The following GRID1 variants were observed in gnomAD, a reference collection of about 807,000 sequenced individuals.
GRID1 encodes the protein glutamate receptor ionotropic, delta-1.
Under a neutral mutation model 98.0 loss-of-function variants are expected in GRID1, and 28 were observed. The ratio of observed to expected loss-of-function variants is 0.29; its 90% CI spans 0.21 to 0.39. The LOEUF is 0.39. Ranked by LOEUF, GRID1 falls within the 10% of genes least tolerant of loss-of-function variation. GRID1 has a pLI of 1.00. For missense variants in GRID1, 1,111 were observed against 1,340.5 expected (o/e 0.83, Z 2.67); for synonymous variants, 553 against 538.5 (o/e 1.03, Z -0.37).
intron 8 of GRID1, among the ~76,000 whole-genome samples, chr10:85,759,717 C>T (rs924905452): frequency 2.0e-5 from 3 of 152,178 alleles, no homozygotes; most frequent in Admixed American, 2.0e-4. Flanking sequence ...TAATTATGTA[C>T]ATTTAATGGT....
intron 3 of GRID1, among the ~76,000 whole-genome samples, chr10:86,171,849 G>A (rs915024816): frequency 2.0e-5 from 3 of 152,090 alleles, no homozygotes; most frequent in Admixed American, 6.5e-5. Context: ...AGCAAACGCC[G>A]GAGGAACACG....
chr10:86,095,038 C>T (rs1370862022), intron 4 of GRID1, among the ~76,000 whole-genome samples: 1 of 152,002 alleles, frequency 6.6e-6, no homozygotes, highest in East Asian at 1.9e-4. Flanking sequence ...CAGAAATAAA[C>T]CCAAATACTC....
chr10:86,312,098 G>A (rs1847839690), intron 2 of GRID1, among the ~76,000 whole-genome samples: 1 of 152,208 alleles, frequency 6.6e-6, no homozygotes, highest in South Asian at 2.1e-4. Flanking sequence ...TGCTGACAGG[G>A]CACTTCTGTA....
chr10:85,717,316 G>A (rs947981459), intron 12 of GRID1, among the ~76,000 whole-genome samples: 4 of 150,958 alleles, frequency 2.6e-5, no homozygotes, highest in Non-Finnish European at 2.9e-5. Context: ...CCTGAAACTG[G>A]GAACAAAAAA....
chr10:85,981,450 T>TGG (rs2131861428), intron 4 of GRID1, among the ~76,000 whole-genome samples: 1 of 152,314 alleles, frequency 6.6e-6, no homozygotes, highest in Admixed American at 6.5e-5. Flanking sequence ...AGGGCTACAA[T>TGG]GCCTACTTGG....
chr10:86,272,972 T>A (rs1042583185), intron 2 of GRID1, among the ~76,000 whole-genome samples: 2 of 152,212 alleles, frequency 1.3e-5, no homozygotes, highest in African/African-American at 4.8e-5. Context: ...GCAGGTTAGC[T>A]ACATATGTAT....
intron 2 of GRID1, among the ~76,000 whole-genome samples, chr10:86,346,728 T>A (rs1589457154): frequency 6.6e-6 from 1 of 152,140 alleles, no homozygotes; most frequent in South Asian, 2.1e-4. Context: ...GGCAGAAGGA[T>A]AAACAGAGGC....
At chr10:85,903,151 G>A (rs779917047) in intron 5 of GRID1, among the ~76,000 whole-genome samples, 5 of 152,076 alleles carry the variant, frequency 3.3e-5, no homozygotes, top group Non-Finnish European at 7.3e-5. Context: ...AGAGCCACAT[G>A]TCTAGTGTCT....
chr10:86,223,289 G>A (rs1564710968), intron 2 of GRID1, among the ~76,000 whole-genome samples: 1 of 152,148 alleles, frequency 6.6e-6, no homozygotes, highest in Non-Finnish European at 1.5e-5. Flanking sequence ...TCCACCCCCT[G>A]CCCAGACACC....
intron 4 of GRID1, among the ~76,000 whole-genome samples, chr10:86,003,777 C>T (rs1318574983): frequency 6.6e-6 from 1 of 152,220 alleles, no homozygotes; most frequent in Non-Finnish European, 1.5e-5. Context: ...ACCCATCTTA[C>T]AGGCAGAGAT....
chr10:85,699,196 G>T (rs1841425966), intron 12 of GRID1, among the ~76,000 whole-genome samples: 1 of 152,048 alleles, frequency 6.6e-6, no homozygotes, highest in African/African-American at 2.4e-5. Flanking sequence ...GGAATCACAA[G>T]CATGCACCAC....
At chr10:85,642,731 G>A (rs953917988) in intron 13 of GRID1, among the ~76,000 whole-genome samples, 2 of 152,126 alleles carry the variant, frequency 1.3e-5, no homozygotes, top group African/African-American at 4.8e-5. Context: ...CCTTATCTTA[G>A]TGGCCACTGG....
intron 3 of GRID1, among the ~76,000 whole-genome samples, chr10:86,176,906 C>T (rs916004062): frequency 1.3e-5 from 2 of 151,998 alleles, no homozygotes; most frequent in African/African-American, 4.8e-5. Flanking sequence ...TTCTCAGTGG[C>T]CGTGGCAAAA....
At chr10:86,357,713 T>G (rs2132121191) in intron 2 of GRID1, among the ~76,000 whole-genome samples, 1 of 152,250 alleles carries the variant, frequency 6.6e-6, no homozygotes, top group Admixed American at 6.5e-5. Flanking sequence ...CTGACACCTG[T>G]GAGTTCAGCA....
chr10:85,746,643 T>C (rs1466093694), intron 8 of GRID1, among the ~76,000 whole-genome samples: 1 of 152,088 alleles, frequency 6.6e-6, no homozygotes, highest in African/African-American at 2.4e-5. Context: ...TACATGTAGA[T>C]GTCCTGGAAG....
Position 86,300,280 on chromosome 10 carries a change from G to T in GRID1, c.235+63661C>A, listed in dbSNP as rs73338225. 5.5e-3 allele frequency among the ~76,000 whole-genome samples: 829 copies of T among 151,928 alleles called. 7 individuals are homozygous for T. Among genetic ancestry groups the T allele is most frequent in the African/African-American group, 0.019 (792 of 41,424 alleles). ...CATTTCTGTTGTTGTAAGCCATCCA[G>T]TTTGTGGAAATTTGATATGGTAGCC... On this transcript the variant is annotated intron_variant, in intron 2 of 15. Coordinates refer to ENST00000327946, the MANE Select transcript of GRID1 (RefSeq NM_017551.3).
chr10:85,981,647 T>C (rs12772304), intron 4 of GRID1, among the ~76,000 whole-genome samples: 10,594 of 152,232 alleles, frequency 0.07, 424 homozygotes, highest in Non-Finnish European at 0.094. Flanking sequence ...TCCTTCACCA[T>C]TGCTCTCCGT....
rs551362739 is a variant in GRID1 at position 85,969,465 on chromosome 10, T to C, written c.727-53226A>G. Among the ~76,000 whole-genome samples the C allele has an allele frequency of 1.6e-3, 240 of 152,146 alleles. 1 individual carries two copies. The highest frequency in any genetic ancestry group is 5.1e-3 in the African/African-American group (213 of 41,528). ...GCCCTAAAACATGCCTCGATAAAAG[T>C]AAAAGGATTAAAATCACACAAAGTA... On this transcript the variant is annotated intron_variant, in intron 4 of 15. Transcript: ENST00000327946.
chr10:85,728,160 C>A, intron 9 of GRID1, 108 bp from the exon 10 acceptor site: 2 of 830,928 alleles, frequency 2.4e-6, no homozygotes, highest in South Asian at 1.5e-5. Context: ...TGCAGTTCCC[C>A]AATTTAGGAC....
Sources: gnomAD v4.1 joint callset for allele counts (sites outside exome capture counted in the v4.1 genomes callset) on GRCh38, gnomAD v4.1.1 for gene constraint, MANE v1.5 for transcripts, NCBI Gene and HGNC (gene_info 2026-07-23, HGNC 2026-07-21) for gene names.